The following VCL variants were observed in gnomAD, a reference collection of about 807,000 sequenced individuals.
VCL encodes the protein vinculin.
A neutral mutation model predicts 125.7 loss-of-function variants in VCL; 47 were observed. The ratio of observed to expected loss-of-function variants is 0.37; its 90% CI spans 0.30 to 0.48. The LOEUF (loss-of-function observed/expected upper bound fraction) is 0.48, where lower values mean the gene tolerates loss of function less well. VCL is among the 20% of genes least tolerant of loss of function. The probability of loss-of-function intolerance (pLI) is 0.99; values close to 1 mark genes in which losing one functional copy is unlikely to be tolerated. For synonymous variants in VCL, 458 were observed against 514.6 expected, an observed-to-expected ratio of 0.89 and a Z score of 1.49; for missense variants, 1,069 against 1,455.5, an observed-to-expected ratio of 0.73 and a Z score of 4.32.
Position 74,119,219 on chromosome 10 carries a change from G to GTGT in VCL, c.*1052_*1054dup, listed in dbSNP as rs1418246615. On this transcript the variant is annotated 3_prime_UTR_variant, in exon 22 of 22. Transcript: ENST00000211998. ...TAAACAAGATTTTAAAGACATGTAG[G>GTGT]TGTTTGTTCATCTGTAACTCTAAAA... is the stretch of plus-strand genomic sequence containing the variant. 2 of 152,614 alleles carry GTGT rather than the reference G, an allele frequency of 1.3e-5. No individual in the cohort carries two copies. The highest frequency in any genetic ancestry group is 2.9e-5 in the Non-Finnish European group (2 of 68,034). The allele number at this position is 152,614 out of a possible 1,614,324, so 9.5% of individuals were successfully genotyped here.
chr10:74,109,033 G>T lies in VCL; in HGVS notation c.2622G>T (p.Arg874Ser). ...PLPEGEVPPP[R>S]PPPPEEKDEE... ...CTGAAGGTGAGGTCCCTCCACCTAG[G>T]CCTCCACCACCAGAGGAAAAGGATG... The change falls in exon 18 of 22, where the codon AGG becomes AGT. Residue 874 changes from arginine to serine, a missense_variant. By Grantham distance (110) the Arg-to-Ser change is moderately radical. This residue lies in a region of VCL where 28 missense variants were observed against 65.1 expected (regional missense o/e 0.43). Coordinates refer to ENST00000211998, the MANE Select transcript of VCL (RefSeq NM_014000.3). 1 of 1,614,158 alleles carries T rather than the reference G, an allele frequency of 6.2e-7. No individual in the cohort carries two copies. The highest frequency in any genetic ancestry group is 8.5e-7 in the Non-Finnish European group (1 of 1,180,022).
chr10:74,081,122 T>G (rs74146323), intron 6 of VCL, among the ~76,000 whole-genome samples: 9,596 of 152,258 alleles, frequency 0.063, 1,050 homozygotes, highest in African/African-American at 0.22. Flanking sequence ...ATATTTTGTT[T>G]TCAATTTTTT....
chr10:74,083,415 A>G lies in VCL; in HGVS notation c.924A>G (p.Lys308=). Residue 308 remains lysine (K), a synonymous_variant, in exon 8 of 22, where the codon AAA becomes AAG. Coordinates refer to ENST00000211998, the MANE Select transcript of VCL (RefSeq NM_014000.3). ...AIRQILDEAG[K]VGELCAGKER... The stretch of plus-strand genomic sequence containing the variant: ...GACAGATCTTAGATGAAGCTGGAAA[A>G]GTTGGTGAACTCTGTGCAGGCAAAG... The G allele has an allele frequency of 6.2e-7, 1 of 1,614,182 alleles. No individual in the cohort carries two copies.
intron 14 of VCL, among the ~76,000 whole-genome samples, chr10:74,103,172 C>A (rs1032566487): frequency 4.6e-5 from 7 of 152,160 alleles, no homozygotes; most frequent in Non-Finnish European, 8.8e-5. Flanking sequence ...CCGGCCGACT[C>A]CTCTGTGCTC....
At chr10:74,104,017 T>A in intron 15 of VCL, 89 bp downstream of exon 15, 2 of 1,326,034 alleles carry the variant, frequency 1.5e-6, no homozygotes, top group Non-Finnish European at 2.1e-6. Context: ...TACTCAGCTG[T>A]AATTGGATAA....
rs756851934 is a variant in VCL, at chr10:74,065,137, CT to C, written c.240-5516del. Among the ~76,000 whole-genome samples the C allele has an allele frequency of 3.5e-3, 461 of 133,360 alleles. 1 individual carries two copies. Among genetic ancestry groups the C allele is most frequent in the African/African-American group, 6.2e-3 (224 of 36,114 alleles). 87.5% of individuals were successfully genotyped at this position (133,360 alleles called of 152,430 possible). A position where few individuals can be genotyped will look rare whatever the true frequency, so the allele number is the denominator to read the frequency against. ...GTGGCTCAAATGTATAATCCCAGCA[CT>C]TTTTTTTTTTTTTTTTCAGACTGAG... On this transcript the variant is annotated intron_variant, in intron 2 of 21. Coordinates refer to ENST00000211998, the MANE Select transcript of VCL (RefSeq NM_014000.3).
intron 2 of VCL, among the ~76,000 whole-genome samples, chr10:74,057,330 T>C (rs976970935): frequency 3.3e-5 from 5 of 152,184 alleles, no homozygotes; most frequent in Non-Finnish European, 7.3e-5. Context: ...TGAAGCATAC[T>C]AGAATGGCTG....
intron 2 of VCL, among the ~76,000 whole-genome samples, chr10:74,053,912 A>AT (rs1841350991): frequency 2.0e-5 from 3 of 152,116 alleles, no homozygotes; most frequent in African/African-American, 7.2e-5. Context: ...TAATTTTTAA[A>AT]TTAGAGAATT....
rs552152165 is a variant in VCL at position 74,007,894 on chromosome 10, C to T, written c.168+9519C>T. Among the ~76,000 whole-genome samples the T allele has an allele frequency of 2.7e-3, 404 of 152,056 alleles. 1 individual carries two copies. The highest frequency in any genetic ancestry group is 9.1e-3 in the African/African-American group (379 of 41,462). On this transcript the variant is annotated intron_variant, in intron 1 of 21. Coordinates refer to ENST00000211998, the MANE Select transcript of VCL (RefSeq NM_014000.3). ...CTCCGCTCACTGCAACCTCTGCCTC[C>T]TGGGTTCAAGTGATTCTCCTGCCTC...
At chr10:74,105,463 A>C in intron 16 of VCL, 110 bp downstream of exon 16, 1 of 1,305,722 alleles carries the variant, frequency 7.7e-7, no homozygotes, top group South Asian at 1.2e-5. Flanking sequence ...GGGGGCAAAA[A>C]CTATAGACAC....
At chr10:74,008,934 A>T (rs973395726) in intron 1 of VCL, among the ~76,000 whole-genome samples, 2 of 152,184 alleles carry the variant, frequency 1.3e-5, no homozygotes, top group African/African-American at 4.8e-5. Context: ...TAAAAAACAA[A>T]CTTCTGCCTT....
chr10:74,079,297 T>C (rs1408709597), intron 6 of VCL, among the ~76,000 whole-genome samples: 1 of 152,144 alleles, frequency 6.6e-6, no homozygotes, highest in Admixed American at 6.6e-5. Context: ...GACCTGGTCT[T>C]TTTATACTTC....
At chr10:74,102,074 C>G (rs1400657026) in intron 14 of VCL, among the ~76,000 whole-genome samples, 1 of 151,924 alleles carries the variant, frequency 6.6e-6, no homozygotes, top group Non-Finnish European at 1.5e-5. Context: ...TCCATGTTGG[C>G]CAGGCTGGTC....
At chr10:74,084,279 G>T (rs1839731705) in intron 8 of VCL, among the ~76,000 whole-genome samples, 1 of 150,280 alleles carries the variant, frequency 6.7e-6, no homozygotes, top group Non-Finnish European at 1.5e-5. Context: ...TTTAAAACAT[G>T]TTTTTATTTA....
chr10:74,017,567 T>C (rs570728433), intron 1 of VCL, among the ~76,000 whole-genome samples: 5 of 151,512 alleles, frequency 3.3e-5, no homozygotes, highest in African/African-American at 1.2e-4. Flanking sequence ...CTTTTTTTTT[T>C]TTTGAGACAG....
chr10:74,111,416 C>T (rs1327208630), intron 18 of VCL, among the ~76,000 whole-genome samples: 1 of 152,158 alleles, frequency 6.6e-6, no homozygotes, highest in Non-Finnish European at 1.5e-5. Flanking sequence ...TCCTGTGTCC[C>T]AGGAAAATGT....
At chr10:74,054,798 G>A (rs1841364415) in intron 2 of VCL, among the ~76,000 whole-genome samples, 2 of 152,034 alleles carry the variant, frequency 1.3e-5, no homozygotes, top group African/African-American at 4.8e-5. Flanking sequence ...CTGCACACCT[G>A]TAGGCCCAGC....
At chr10:74,103,771 C>T (rs761926348) in intron 14 of VCL, 49 bp from the exon 15 acceptor site, 3 of 1,561,872 alleles carry the variant, frequency 1.9e-6, no homozygotes, top group South Asian at 1.1e-5. Context: ...AGGTTTGTAT[C>T]TGGAGAGCAA....
intron 1 of VCL, among the ~76,000 whole-genome samples, chr10:74,019,207 G>A (rs957038258): frequency 6.6e-6 from 1 of 152,162 alleles, no homozygotes; most frequent in African/African-American, 2.4e-5. Flanking sequence ...AGCATTGGAT[G>A]TTAGAAAACA....
Sources: gnomAD v4.1 joint callset for allele counts (sites outside exome capture counted in the v4.1 genomes callset) on GRCh38, gnomAD v4.1.1 for gene constraint, gnomAD v4.1.1 regional missense constraint, MANE v1.5 for transcripts, NCBI Gene and HGNC (gene_info 2026-07-23, HGNC 2026-07-21) for gene names.